Variants in GPC5 observed in about 807,000 individuals in gnomAD.
GPC5 encodes the protein glypican-5.
In GPC5, 47 loss-of-function variants were observed where a neutral mutation model predicts 53.9. The observed-to-expected ratio is 0.87, with a 90% CI of 0.69 to 1.11. GPC5 has a LOEUF of 1.11. GPC5 is among the 50% of genes most tolerant of loss of function. The pLI is 0.00. For synonymous variants in GPC5, 286 were observed against 263.3 expected (o/e 1.09, Z -0.84); for missense variants, 748 against 713.1 (o/e 1.05, Z -0.56).
At chr13:92,843,713 A>G (rs1435913280) in intron 7 of GPC5, among the ~76,000 whole-genome samples, 3 of 152,154 alleles carry the variant, frequency 2.0e-5, no homozygotes, top group Non-Finnish European at 2.9e-5. Context: ...TCCAAACACT[A>G]TATGTGCATG....
At chr13:92,330,183 T>C (rs1257537457) in intron 7 of GPC5, among the ~76,000 whole-genome samples, 1 of 152,164 alleles carries the variant, frequency 6.6e-6, no homozygotes, top group Non-Finnish European at 1.5e-5. Context: ...AAGGCTCAAG[T>C]TGTAGCCTGG....
At chr13:91,956,799 C>G (rs539631002) in intron 6 of GPC5, among the ~76,000 whole-genome samples, 28 of 152,136 alleles carry the variant, frequency 1.8e-4, no homozygotes, top group African/African-American at 6.7e-4. Context: ...ATTAATAACA[C>G]CAGAGATACA....
intron 7 of GPC5, among the ~76,000 whole-genome samples, chr13:92,860,019 C>A (rs573978431): frequency 1.9e-4 from 29 of 152,168 alleles, no homozygotes; most frequent in Admixed American, 3.3e-4. Flanking sequence ...AATAATTTAT[C>A]TGATACAGTG....
intron 2 of GPC5, among the ~76,000 whole-genome samples, chr13:91,585,411 T>C (rs1254033693): frequency 2.0e-5 from 3 of 152,168 alleles, no homozygotes; most frequent in African/African-American, 7.2e-5. Context: ...CATACTAAAA[T>C]GAATGTATAG....
chr13:91,627,476 T>C (rs1436767530), intron 2 of GPC5, among the ~76,000 whole-genome samples: 1 of 152,104 alleles, frequency 6.6e-6, no homozygotes, highest in Non-Finnish European at 1.5e-5. Flanking sequence ...AGAATTTGCT[T>C]AAATTTTTCT....
intron 2 of GPC5, among the ~76,000 whole-genome samples, chr13:91,672,183 G>A (rs994031002): frequency 6.6e-6 from 1 of 152,136 alleles, no homozygotes; most frequent in African/African-American, 2.4e-5. Context: ...ATAGGTGTGG[G>A]CAAGGAATCC....
intron 7 of GPC5, among the ~76,000 whole-genome samples, chr13:92,697,937 G>T (rs1887607006): frequency 6.6e-6 from 1 of 152,160 alleles, no homozygotes; most frequent in Non-Finnish European, 1.5e-5. Context: ...GGCCTTTACT[G>T]TATCTATTGA....
chr13:92,197,352 A>G (rs4773676), intron 7 of GPC5, among the ~76,000 whole-genome samples: 30,653 of 152,264 alleles, frequency 0.2, 3,997 homozygotes, highest in East Asian at 0.64. Flanking sequence ...TAGAACGTCT[A>G]TACCTATCTA....
At chr13:91,957,423 A>G (rs1310848064) in intron 6 of GPC5, among the ~76,000 whole-genome samples, 1 of 152,182 alleles carries the variant, frequency 6.6e-6, no homozygotes, top group Non-Finnish European at 1.5e-5. Flanking sequence ...TAATAGCTGA[A>G]AATTTCCCAA....
At chr13:92,430,748 G>C (rs1877047910) in intron 7 of GPC5, among the ~76,000 whole-genome samples, 1 of 152,066 alleles carries the variant, frequency 6.6e-6, no homozygotes, top group Non-Finnish European at 1.5e-5. Context: ...CAAACTTTCT[G>C]AAAGAGAATA....
At chr13:91,478,259 T>G (rs1883048844) in intron 2 of GPC5, among the ~76,000 whole-genome samples, 1 of 152,160 alleles carries the variant, frequency 6.6e-6, no homozygotes, top group African/African-American at 2.4e-5. Flanking sequence ...AATGTACACT[T>G]TTGAAGAGTT....
intron 6 of GPC5, among the ~76,000 whole-genome samples, chr13:91,915,973 C>A (rs2039654558): frequency 6.6e-6 from 1 of 152,142 alleles, no homozygotes; most frequent in Admixed American, 6.6e-5. Context: ...TTCCTTCAGT[C>A]TCAATAAAAC....
intron 5 of GPC5, among the ~76,000 whole-genome samples, chr13:91,881,812 C>A (rs577868755): frequency 4.8e-4 from 73 of 152,228 alleles, no homozygotes; most frequent in African/African-American, 1.7e-3. Flanking sequence ...TCTGTTGATA[C>A]CTCACATGAA....
At chr13:91,538,581 A>T (rs1401538806) in intron 2 of GPC5, among the ~76,000 whole-genome samples, 1 of 129,228 alleles carries the variant, frequency 7.7e-6, no homozygotes. Flanking sequence ...ATTGCAAATA[A>T]TTTTTTTTTT....
rs367910757 is a variant in GPC5 at position 92,634,054 on chromosome 13, T to G, written c.1562-232228T>G. On this transcript the variant is annotated intron_variant, in intron 7 of 7. Transcript: ENST00000377067. ...ACTGTGATATTTATTTAGTAATATA[T>G]GATGAAAAACACTAACAAAATTATC... 7.2e-5 allele frequency among the ~76,000 whole-genome samples: 11 copies of G among 152,198 alleles called. No individual in the cohort carries two copies. In the East Asian group the frequency reaches 1.9e-3, roughly 27 times the overall value.
intron 7 of GPC5, among the ~76,000 whole-genome samples, chr13:92,419,691 T>G (rs1438913483): frequency 1.3e-5 from 2 of 152,218 alleles, no homozygotes; most frequent in African/African-American, 4.8e-5. Flanking sequence ...AATTTCTCCC[T>G]AGCCCACCAG....
intron 5 of GPC5, among the ~76,000 whole-genome samples, chr13:91,791,971 T>C (rs2037972629): frequency 1.3e-5 from 2 of 152,256 alleles, no homozygotes; most frequent in Admixed American, 1.3e-4. Context: ...GTTTTTATAA[T>C]TGATTAAAGG....
chr13:92,624,093 T>TC (rs2139119838), intron 7 of GPC5, among the ~76,000 whole-genome samples: 2 of 150,914 alleles, frequency 1.3e-5, no homozygotes, highest in Admixed American at 1.3e-4. Context: ...TTTTTTTTTT[T>TC]AGATGAAGTC....
At chr13:91,462,260 T>C (rs535491105) in intron 2 of GPC5, among the ~76,000 whole-genome samples, 1 of 152,264 alleles carries the variant, frequency 6.6e-6, no homozygotes, top group South Asian at 2.1e-4. Context: ...TTCATTCTGA[T>C]CACATTTGGG....
Sources: allele counts gnomAD v4.1 joint callset (sites outside exome capture counted in the v4.1 genomes callset), GRCh38; gene constraint gnomAD v4.1.1; transcripts MANE v1.5; gene names NCBI Gene and HGNC (gene_info 2026-07-23, HGNC 2026-07-21).